CRADD: variants seen among roughly 807,000 people sequenced by gnomAD.
CRADD encodes CARD and death domain containing adaptor protein.
CRADD carries 9 observed loss-of-function variants against 15.5 expected under a neutral mutation model. That is an observed-to-expected ratio of 0.58 (90% confidence interval 0.35 to 1.01). The LOEUF (loss-of-function observed/expected upper bound fraction) is 1.01, where lower values mean the gene tolerates loss of function less well. Among genes scored for constraint, CRADD ranks in the 50% least tolerant of loss-of-function variants. The pLI, the probability that CRADD is intolerant of heterozygous loss-of-function variation, is 0.02. For synonymous variants in CRADD, 118 were observed against 107.6 expected, an observed-to-expected ratio of 1.10 and a Z score of -0.60; for missense variants, 227 against 250.3, an observed-to-expected ratio of 0.91 and a Z score of 0.63.
At position 93,679,087 on chromosome 12, in the gene CRADD, G is replaced by C. The variant is rs764481476; in HGVS notation, c.298+15G>C. 6.2e-7 allele frequency: 1 copy of C among 1,601,238 alleles called. No homozygotes were observed. The highest frequency in any genetic ancestry group is 8.5e-7 in the Non-Finnish European group (1 of 1,171,766). ...CCTGCCTGCAGGTAGGCCTCAGAAA[G>C]ATCACTTTGAACCAGCTCCAAAATG... is the stretch of plus-strand genomic sequence containing the variant. On this transcript the variant is annotated intron_variant, in intron 2 of 2. Transcript: ENST00000332896.
At chr12:93,694,301 G>T (rs528582487) in intron 2 of CRADD, among the ~76,000 whole-genome samples, 8 of 152,118 alleles carry the variant, frequency 5.3e-5, no homozygotes, top group Admixed American at 2.0e-4. Context: ...AACAAATTAG[G>T]TATAGAAGGA....
intron 2 of CRADD, among the ~76,000 whole-genome samples, chr12:93,855,944 A>G (rs1429127814): frequency 6.6e-6 from 1 of 152,112 alleles, no homozygotes; most frequent in Non-Finnish European, 1.5e-5. Flanking sequence ...CAGCCTCCCG[A>G]CTACAGGTGG....
chr12:93,744,357 A>G (rs888018248), intron 2 of CRADD, among the ~76,000 whole-genome samples: 6 of 152,228 alleles, frequency 3.9e-5, no homozygotes, highest in Admixed American at 2.0e-4. Flanking sequence ...GAGGTTGCCC[A>G]TCTACATCTT....
chr12:93,845,075 C>G (rs1958097752), intron 2 of CRADD, among the ~76,000 whole-genome samples: 1 of 152,190 alleles, frequency 6.6e-6, no homozygotes, highest in Admixed American at 6.5e-5. Flanking sequence ...GGAAAGAGAC[C>G]ATAGGAGTGA....
intron 2 of CRADD, among the ~76,000 whole-genome samples, chr12:93,747,484 G>A (rs187471231): frequency 5.8e-5 from 8 of 139,110 alleles, no homozygotes; most frequent in African/African-American, 1.6e-4. Context: ...TTTTTCAGAT[G>A]TAGTCTTGCT....
chr12:93,806,472 A>AAAAAAG (rs1957540241), intron 2 of CRADD, among the ~76,000 whole-genome samples: 1 of 80,602 alleles, frequency 1.2e-5, no homozygotes, highest in Admixed American at 1.3e-4. Flanking sequence ...AAAAAAAAAA[A>AAAAAAG]CAAAAAAAAG....
chr12:93,794,803 C>T (rs1280480328), intron 2 of CRADD, among the ~76,000 whole-genome samples: 1 of 152,140 alleles, frequency 6.6e-6, no homozygotes, highest in Non-Finnish European at 1.5e-5. Context: ...CTATGTCTGC[C>T]CCACCCTGCC....
chr12:93,892,271 G>A (rs1958581330), intron 2 of CRADD, among the ~76,000 whole-genome samples: 1 of 152,046 alleles, frequency 6.6e-6, no homozygotes, highest in Non-Finnish European at 1.5e-5. Context: ...TCAATATTTT[G>A]ATATTTTGTT....
Position 93,678,766 on chromosome 12 carries a change from C to T in CRADD, c.-6-3C>T, listed in dbSNP as rs746417928. On this transcript the variant is annotated splice_region_variant and splice_polypyrimidine_tract_variant and intron_variant, in intron 1 of 2. Coordinates refer to ENST00000332896, the MANE Select transcript of CRADD (RefSeq NM_003805.5). ...TTTGAGCTGTGATTTTGGCTCTTTC[C>T]AGGGAGAAATGGAGGCCAGAGACAA... The T allele has an allele frequency of 1.2e-6, 2 of 1,606,546 alleles. No individual in the cohort carries two copies. Among genetic ancestry groups the T allele is most frequent in the Middle Eastern group, 1.9e-4 (1 of 5,234 alleles).
At chr12:93,867,403 A>ATATATTTTTTTTTTT (rs985334638) in intron 2 of CRADD, among the ~76,000 whole-genome samples, 1 of 143,378 alleles carries the variant, frequency 7.0e-6, no homozygotes, top group African/African-American at 2.5e-5. Context: ...ATATATATAT[A>ATATATTTTTTTTTTT]TTTTTTAAAC....
intron 2 of CRADD, among the ~76,000 whole-genome samples, chr12:93,840,698 C>A (rs1217181000): frequency 1.3e-5 from 2 of 152,090 alleles, no homozygotes; most frequent in Non-Finnish European, 2.9e-5. Context: ...TCCCGAGTAG[C>A]TGGGATTACA....
intron 2 of CRADD, among the ~76,000 whole-genome samples, chr12:93,688,493 TCAA>T (rs1441081993): frequency 3.1e-5 from 4 of 128,488 alleles, no homozygotes; most frequent in Non-Finnish European, 5.1e-5. Flanking sequence ...AGACCCTGTC[TCAA>T]AAAAAAAAAA....
At chr12:93,844,590 A>G (rs1958091139) in intron 2 of CRADD, among the ~76,000 whole-genome samples, 1 of 151,758 alleles carries the variant, frequency 6.6e-6, no homozygotes, top group Admixed American at 6.6e-5. Flanking sequence ...ATCAGAGCAA[A>G]CTCTGTCCTT....
intron 2 of CRADD, among the ~76,000 whole-genome samples, chr12:93,784,599 T>C (rs1957254676): frequency 1.3e-5 from 2 of 152,068 alleles, no homozygotes; most frequent in South Asian, 4.1e-4. Flanking sequence ...AAACCCTTTG[T>C]TCTGTGTCAG....
At chr12:93,841,961 G>T (rs984608109) in intron 2 of CRADD, among the ~76,000 whole-genome samples, 1 of 152,048 alleles carries the variant, frequency 6.6e-6, no homozygotes, top group East Asian at 1.9e-4. Flanking sequence ...GTTTTTAAAA[G>T]TGCTACCCCA....
intron 2 of CRADD, among the ~76,000 whole-genome samples, chr12:93,867,404 TTTTTTAAACTTGGAAGTCCA>T (rs1958378955): frequency 1.9e-4 from 24 of 127,168 alleles, no homozygotes; most frequent in Non-Finnish European, 2.8e-4. Context: ...TATATATATA[TTTTTTAAACTTGGAAGTCCA>T]AGATCAATAT....
At chr12:93,688,068 C>T (rs1373851077) in intron 2 of CRADD, among the ~76,000 whole-genome samples, 1 of 152,128 alleles carries the variant, frequency 6.6e-6, no homozygotes, top group South Asian at 2.1e-4. Context: ...GTTGGATGCT[C>T]CTCTCAGTTA....
At chr12:93,807,060 G>A (rs1317488406) in intron 2 of CRADD, among the ~76,000 whole-genome samples, 2 of 152,146 alleles carry the variant, frequency 1.3e-5, no homozygotes, top group South Asian at 4.1e-4. Context: ...ATCATTTAGT[G>A]TAGCACACCA....
At chr12:93,803,903 C>T (rs1872529) in intron 2 of CRADD, among the ~76,000 whole-genome samples, 55 of 151,960 alleles carry the variant, frequency 3.6e-4, no homozygotes, top group Admixed American at 9.9e-4. Context: ...TGGATCAGAC[C>T]GATGCGATGT....
Sources: gnomAD v4.1 joint callset for allele counts (sites outside exome capture counted in the v4.1 genomes callset) on GRCh38, gnomAD v4.1.1 for gene constraint, MANE v1.5 for transcripts, NCBI Gene and HGNC (gene_info 2026-07-23, HGNC 2026-07-21) for gene names.